The following BRINP1 variants were observed in gnomAD, a reference collection of about 807,000 sequenced individuals.
The protein encoded by BRINP1 is BMP/retinoic acid-inducible neural-specific protein 1.
Under a neutral mutation model 72.9 loss-of-function variants are expected in BRINP1, and 17 were observed. The ratio of observed to expected loss-of-function variants is 0.23; its 90% confidence interval spans 0.16 to 0.35. The LOEUF (loss-of-function observed/expected upper bound fraction) is 0.35. BRINP1 is among the 10% of genes least tolerant of loss of function. The pLI, the probability that BRINP1 is intolerant of heterozygous loss-of-function variation, is 1.00. For missense variants in BRINP1, 850 were observed against 1,001.6 expected, an observed-to-expected ratio of 0.85 and a Z score of 2.04; for synonymous variants, 418 against 378.5, an observed-to-expected ratio of 1.10 and a Z score of -1.21.
intron 7 of BRINP1, among the ~76,000 whole-genome samples, chr9:119,199,761 A>C (rs1413178914): frequency 6.6e-6 from 1 of 151,312 alleles, no homozygotes; most frequent in Non-Finnish European, 1.5e-5. Context: ...ATTTTATCTC[A>C]TTTCATTGAA....
At chr9:119,243,685 T>G (rs1405902439) in intron 3 of BRINP1, among the ~76,000 whole-genome samples, 2 of 152,226 alleles carry the variant, frequency 1.3e-5, no homozygotes, top group Non-Finnish European at 2.9e-5. Context: ...GTAAAAACGT[T>G]TGTTCAATTG....
intron 1 of BRINP1, among the ~76,000 whole-genome samples, chr9:119,339,156 T>G (rs1831383622): frequency 6.6e-6 from 1 of 152,328 alleles, no homozygotes; most frequent in South Asian, 2.1e-4. Context: ...TATTTTAGGC[T>G]TTATGGGCCA....
intron 2 of BRINP1, among the ~76,000 whole-genome samples, chr9:119,258,550 T>C (rs1207981292): frequency 6.6e-6 from 1 of 152,096 alleles, no homozygotes; most frequent in Non-Finnish European, 1.5e-5. Flanking sequence ...ATCCAAAATA[T>C]CAGGATAGAG....
intron 7 of BRINP1, among the ~76,000 whole-genome samples, chr9:119,206,202 C>T (rs913697992): frequency 5.9e-5 from 9 of 151,852 alleles, no homozygotes; most frequent in African/African-American, 1.2e-4. Context: ...GATCACCTGA[C>T]GCCAAGAGTT....
At chr9:119,262,513 G>T (rs1237630539) in intron 2 of BRINP1, among the ~76,000 whole-genome samples, 1 of 151,946 alleles carries the variant, frequency 6.6e-6, no homozygotes, top group African/African-American at 2.4e-5. Context: ...GGGCGCGGTG[G>T]TGGATGCCTG....
chr9:119,195,067 T>A (rs572152535), intron 7 of BRINP1, among the ~76,000 whole-genome samples: 2 of 152,314 alleles, frequency 1.3e-5, no homozygotes, highest in East Asian at 3.9e-4. Flanking sequence ...GATTTCATAA[T>A]ATTAGGTCAT....
intron 5 of BRINP1, among the ~76,000 whole-genome samples, chr9:119,233,507 C>T (rs1455011916): frequency 6.6e-6 from 1 of 152,142 alleles, no homozygotes; most frequent in Non-Finnish European, 1.5e-5. Context: ...GCTCCTCTAA[C>T]CTCAGTTCAT....
At chr9:119,216,800 G>C (rs1218898893) in intron 5 of BRINP1, among the ~76,000 whole-genome samples, 1 of 152,142 alleles carries the variant, frequency 6.6e-6, no homozygotes, top group Non-Finnish European at 1.5e-5. Flanking sequence ...AGCATTTATA[G>C]AAAATTGCGT....
chr9:119,265,576 G>A (rs1830540123), intron 2 of BRINP1, among the ~76,000 whole-genome samples: 1 of 152,118 alleles, frequency 6.6e-6, no homozygotes, highest in Non-Finnish European at 1.5e-5. Context: ...CAGCCTGGGT[G>A]ACAGAGCAAG....
At chr9:119,177,249 G>C (rs1202742226) in intron 7 of BRINP1, among the ~76,000 whole-genome samples, 1 of 152,132 alleles carries the variant, frequency 6.6e-6, no homozygotes, top group Non-Finnish European at 1.5e-5. Flanking sequence ...CACAGCTCCA[G>C]GCCTCCCCAG....
intron 1 of BRINP1, among the ~76,000 whole-genome samples, chr9:119,318,844 G>GGTGTGTGTGT (rs56756136): frequency 2.1e-4 from 30 of 142,236 alleles, no homozygotes; most frequent in African/African-American, 6.0e-4. Flanking sequence ...AAATGTGTGG[G>GGTGTGTGTGT]GTGTGTGTGT....
intron 1 of BRINP1, among the ~76,000 whole-genome samples, chr9:119,364,019 T>G (rs62948261): frequency 5.6e-5 from 1 of 17,774 alleles, no homozygotes; most frequent in Non-Finnish European, 1.0e-4. Context: ...CATCCCTCCC[T>G]TTTTTTTTTT....
At chr9:119,258,945 C>A (rs1830471521) in intron 2 of BRINP1, among the ~76,000 whole-genome samples, 1 of 152,212 alleles carries the variant, frequency 6.6e-6, no homozygotes, top group Admixed American at 6.5e-5. Flanking sequence ...AGTCTGGGAT[C>A]TTCCTTGTTT....
chr9:119,312,702 G>A (rs1831080679), intron 2 of BRINP1, among the ~76,000 whole-genome samples: 1 of 152,164 alleles, frequency 6.6e-6, no homozygotes, highest in South Asian at 2.1e-4. Flanking sequence ...TATACTTGAT[G>A]TGGCTGACTA....
At chr9:119,271,379 A>G (rs946246384) in intron 2 of BRINP1, among the ~76,000 whole-genome samples, 13 of 152,088 alleles carry the variant, frequency 8.5e-5, no homozygotes, top group African/African-American at 2.9e-4. Flanking sequence ...AGGAAAAACA[A>G]TGATGAAAAA....
chr9:119,286,345 C>T (rs149889699), intron 2 of BRINP1, among the ~76,000 whole-genome samples: 5 of 151,764 alleles, frequency 3.3e-5, no homozygotes, highest in African/African-American at 9.7e-5. Flanking sequence ...CCATTCTCCT[C>T]CCTCAGCCTC....
Position 119,190,340 on chromosome 9 carries a change from G to GA in BRINP1, c.1145+18378dup, listed in dbSNP as rs200422488. Among the ~76,000 whole-genome samples, 856 of 148,976 alleles carry GA rather than the reference G, an allele frequency of 5.7e-3. 10 individuals are homozygous for GA. The highest frequency in any genetic ancestry group is 0.029 in the East Asian group (146 of 5,076). ...TCAAATACAGAACACAAAAGTCATGGAAAAAAAATCAATAAACCCAAGAGT... is the reference window on the plus strand; with the variant it reads ...TCAAATACAGAACACAAAAGTCATGGAAAAAAAAATCAATAAACCCAAGAGT... On this transcript the variant is annotated intron_variant, in intron 7 of 7. Transcript: ENST00000265922.
At position 119,214,109 on chromosome 9, in the gene BRINP1, C is replaced by T. The variant is rs1278879044; in HGVS notation, c.732G>A (p.Gln244=). The change falls in exon 6 of 8, where the codon CAG becomes CAA. Residue 244 remains glutamine, a synonymous_variant. Transcript: ENST00000265922. ...FPQYLQEKFV[Q]SALSYIMCNG... ...TGCACATGATATAGCTCAAGGCCGA[C>T]TGGACAAACTTCTCTTGCAGATACT... 2 of 1,614,054 alleles carry T rather than the reference C, an allele frequency of 1.2e-6. No homozygotes were observed. The highest frequency in any genetic ancestry group is 1.7e-6 in the Non-Finnish European group (2 of 1,180,034).
At chr9:119,228,245 G>A (rs1404218666) in intron 5 of BRINP1, among the ~76,000 whole-genome samples, 1 of 151,104 alleles carries the variant, frequency 6.6e-6, no homozygotes, top group Non-Finnish European at 1.5e-5. Context: ...TGTCAGTCTA[G>A]CACCAATTAT....
Sources: allele counts gnomAD v4.1 joint callset (sites outside exome capture counted in the v4.1 genomes callset), GRCh38; gene constraint gnomAD v4.1.1; transcripts MANE v1.5; gene names NCBI Gene and HGNC (gene_info 2026-07-23, HGNC 2026-07-21).